LINGO2: variants seen among roughly 807,000 people sequenced by gnomAD.
LINGO2 encodes leucine rich repeat and Ig domain containing 2, also known as leucine-rich repeat and immunoglobulin-like domain-containing nogo receptor-interacting protein 2.
In LINGO2, 14 loss-of-function variants were observed where a neutral mutation model predicts 30.6. The ratio of observed to expected loss-of-function variants is 0.46; its 90% CI spans 0.30 to 0.72. The LOEUF (loss-of-function observed/expected upper bound fraction) is 0.72, where lower values mean the gene tolerates loss of function less well. Among genes scored for constraint, LINGO2 ranks in the 30% least tolerant of loss-of-function variants. The pLI is 0.07. For missense variants in LINGO2, 729 were observed against 751.7 expected (o/e 0.97, Z 0.35); for synonymous variants, 317 against 288.5 (o/e 1.10, Z -1.00).
intron 4 of LINGO2, among the ~76,000 whole-genome samples, chr9:28,292,635 G>C (rs1334770379): frequency 6.6e-6 from 1 of 151,524 alleles, no homozygotes; most frequent in East Asian, 1.9e-4. Flanking sequence ...GCTAATTTTT[G>C]TATTTTTTAG....
the LINGO2 span, among the ~76,000 whole-genome samples, chr9:28,783,819 C>A: frequency 6.6e-6 from 1 of 152,144 alleles, no homozygotes; most frequent in South Asian, 2.1e-4. Context: ...TCTCAGAGCT[C>A]TGGAAGCTGC....
chr9:28,237,231 G>A (rs956575657), intron 4 of LINGO2, among the ~76,000 whole-genome samples: 2 of 151,740 alleles, frequency 1.3e-5, no homozygotes, highest in African/African-American at 4.8e-5. Flanking sequence ...TGGGTTATAG[G>A]ATAGTATTTG....
chr9:28,876,561 C>T, the LINGO2 span, among the ~76,000 whole-genome samples: 11 of 152,138 alleles, frequency 7.2e-5, no homozygotes, highest in Admixed American at 5.9e-4. Flanking sequence ...TCATCTATGT[C>T]CCTACAAAGG....
At chr9:28,557,471 G>A (rs1822782152) in intron 1 of LINGO2, among the ~76,000 whole-genome samples, 1 of 152,072 alleles carries the variant, frequency 6.6e-6, no homozygotes, top group Non-Finnish European at 1.5e-5. Flanking sequence ...CAGTTAGAAT[G>A]GCGATCATTA....
At chr9:28,482,293 C>T (rs917028512) in intron 1 of LINGO2, among the ~76,000 whole-genome samples, 8 of 151,986 alleles carry the variant, frequency 5.3e-5, no homozygotes, top group Non-Finnish European at 4.4e-5. Context: ...CTGTTGTTTC[C>T]TGACTTTTTA....
the LINGO2 span, among the ~76,000 whole-genome samples, chr9:29,144,769 A>G: frequency 6.6e-6 from 1 of 152,158 alleles, no homozygotes; most frequent in African/African-American, 2.4e-5. Flanking sequence ...ATGAGTGACT[A>G]GTTTCCAGTA....
intron 1 of LINGO2, among the ~76,000 whole-genome samples, chr9:28,503,453 C>A (rs934899345): frequency 6.6e-6 from 1 of 151,992 alleles, no homozygotes; most frequent in East Asian, 1.9e-4. Context: ...CATTTAGCAT[C>A]ACCTTTAGGG....
exon 6 of LINGO2, chr9:27,950,677 C>T (rs746920570): frequency 2.7e-6 from 4 of 1,503,512 alleles, no homozygotes; most frequent in East Asian, 4.6e-5. Flanking sequence ...AGCATGACTC[C>T]ACTTCTTAGT....
intron 4 of LINGO2, among the ~76,000 whole-genome samples, chr9:28,051,724 T>A (rs531175855): frequency 2.6e-5 from 4 of 152,232 alleles, no homozygotes; most frequent in Middle Eastern, 3.4e-3. Context: ...AGTTTTGTTC[T>A]ATTTTACTGC....
the LINGO2 span, among the ~76,000 whole-genome samples, chr9:29,029,119 T>C: frequency 6.6e-6 from 1 of 152,110 alleles, no homozygotes; most frequent in African/African-American, 2.4e-5. Context: ...ATTTAACCTT[T>C]CATCTCTGAA....
intron 2 of LINGO2, among the ~76,000 whole-genome samples, chr9:28,430,109 C>CGCGCGTGTGT (rs569701444): frequency 0.13 from 17,033 of 135,860 alleles, 1,140 homozygotes; most frequent in Admixed American, 0.19. Flanking sequence ...CGCGCGCGCG[C>CGCGCGTGTGT]GTGTGTGTGT....
At chr9:28,847,816 TATAC>T in the LINGO2 span, among the ~76,000 whole-genome samples, 11 of 36,912 alleles carry the variant, frequency 3.0e-4, 3 homozygotes, top group African/African-American at 1.0e-3. Context: ...TATATGTATA[TATAC>T]ATATATATGT....
chr9:28,876,700 G>C, the LINGO2 span, among the ~76,000 whole-genome samples: 1 of 151,990 alleles, frequency 6.6e-6, no homozygotes, highest in Non-Finnish European at 1.5e-5. Context: ...GAATAGTGCC[G>C]CAATAAACAT....
chr9:28,050,863 T>C (rs1824640159), intron 4 of LINGO2, among the ~76,000 whole-genome samples: 1 of 151,008 alleles, frequency 6.6e-6, no homozygotes, highest in African/African-American at 2.4e-5. Context: ...TTGGTGATTT[T>C]ATATAAGTTG....
At chr9:28,395,952 A>G (rs1822023360) in intron 2 of LINGO2, among the ~76,000 whole-genome samples, 1 of 152,178 alleles carries the variant, frequency 6.6e-6, no homozygotes, top group South Asian at 2.1e-4. Flanking sequence ...GGTCTTCAAT[A>G]TAGATTCCTA....
At chr9:29,182,726 C>A in the LINGO2 span, among the ~76,000 whole-genome samples, 4 of 151,252 alleles carry the variant, frequency 2.6e-5, no homozygotes, top group African/African-American at 7.3e-5. Context: ...CTTCCTTCCA[C>A]TAATCTAGTC....
chr9:27,958,482 G>A, intron 5 of LINGO2, among the ~76,000 whole-genome samples: 1 of 151,992 alleles, frequency 6.6e-6, no homozygotes, highest in East Asian at 1.9e-4. Flanking sequence ...TGCTTTCTGT[G>A]GTTTATTACT....
At chr9:28,850,759 C>A in the LINGO2 span, among the ~76,000 whole-genome samples, 1 of 151,982 alleles carries the variant, frequency 6.6e-6, no homozygotes, top group Non-Finnish European at 1.5e-5. Context: ...GTAACCTACC[C>A]TACTCTAATA....
the LINGO2 span, among the ~76,000 whole-genome samples, chr9:28,788,298 G>C: frequency 1.3e-5 from 2 of 152,040 alleles, no homozygotes; most frequent in African/African-American, 4.8e-5. Context: ...GTGTCAGAAG[G>C]GTTTCAGTTT....
Sources: allele counts gnomAD v4.1 joint callset (sites outside exome capture counted in the v4.1 genomes callset), GRCh38; gene constraint gnomAD v4.1.1; transcripts MANE v1.5; gene names NCBI Gene and HGNC (gene_info 2026-07-23, HGNC 2026-07-21).